The following TPP1 variants were observed in gnomAD, a reference collection of about 807,000 sequenced individuals.
TPP1 encodes tripeptidyl peptidase 1, also known as tripeptidyl-peptidase 1.
In TPP1, 43 loss-of-function variants were observed where a neutral mutation model predicts 67.6. The ratio of observed to expected loss-of-function variants is 0.64; its 90% CI spans 0.50 to 0.82. The LOEUF (loss-of-function observed/expected upper bound fraction) is 0.82. Ranked by LOEUF, TPP1 falls within the 40% of genes least tolerant of loss-of-function variation. The pLI is 0.00. For missense variants in TPP1, 671 were observed against 710.9 expected, an observed-to-expected ratio of 0.94 and a Z score of 0.64; for synonymous variants, 272 against 281.5, an observed-to-expected ratio of 0.97 and a Z score of 0.34.
In TPP1 at chr11:6,617,692, G is replaced by A; in HGVS notation, c.314C>T (p.Ala105Val). ...TLHTVQKWLL[A>V]AGAQKCHSVI... Reference sequence around the variant, plus strand: ...AGAATGGCACTTCTGGGCTCCGGCTGCCAAGAGCCATTTTTGCACCGTGTG... The same window carrying A: ...AGAATGGCACTTCTGGGCTCCGGCTACCAAGAGCCATTTTTGCACCGTGTG... The change falls in exon 4 of 13, where the codon GCA (alanine) becomes GTA (valine). Residue 105 changes from alanine (A) to valine (V), a missense_variant. Coordinates refer to ENST00000299427, the MANE Select transcript of TPP1 (RefSeq NM_000391.4). The A allele has an allele frequency of 6.2e-7, 1 of 1,614,228 alleles. No individual in the cohort carries two copies. Among genetic ancestry groups the A allele is most frequent in the South Asian group, 1.1e-5 (1 of 91,088 alleles).
At chr11:6,618,582 G>A (rs762115821) in intron 3 of TPP1, 194 bp downstream of exon 3, 2 of 715,934 alleles carry the variant, frequency 2.8e-6, no homozygotes, top group South Asian at 1.8e-5. Context: ...CTGGTAGCTA[G>A]TAAGTAGCAG....
chr11:6,615,774 C>T (rs1041449509), intron 9 of TPP1: 2 of 780,872 alleles, frequency 2.6e-6, no homozygotes, highest in Non-Finnish European at 4.2e-6. Flanking sequence ...CCAAATCTTC[C>T]ACTAAAATGC....
rs756034137 is a variant in TPP1, at chr11:6,614,517, G to A, written c.*29C>T. On this transcript the variant is annotated 3_prime_UTR_variant, in exon 13 of 13. Transcript: ENST00000299427. ...CTGAACTGCCAGCTTCAGGGCAGGG[G>A]ACAAGCCATCTCTCCTGATAGGAAA... 7 of 1,613,936 alleles carry A rather than the reference G, an allele frequency of 4.3e-6. No homozygotes were observed. The highest frequency in any genetic ancestry group is 2.7e-5 in the African/African-American group (2 of 74,914).
At chr11:6,617,467 G>A (rs748897788) in intron 4 of TPP1, 39 bp from the exon 5 acceptor site, 2 of 1,613,968 alleles carry the variant, frequency 1.2e-6, no homozygotes, top group East Asian at 4.5e-5. Context: ...GCTCAAAACG[G>A]AACAGAAGAA....
intron 3 of TPP1, chr11:6,618,401 T>C (rs1855617952): frequency 4.5e-6 from 2 of 448,882 alleles, no homozygotes; most frequent in Non-Finnish European, 8.1e-6. Context: ...AGCTGGGCAG[T>C]AGTCCAGGAG....
chr11:6,615,107 G>A (rs553253845), intron 11 of TPP1, 64 bp downstream of exon 11: 2 of 1,613,832 alleles, frequency 1.2e-6, no homozygotes, highest in Admixed American at 3.3e-5. Flanking sequence ...GGTGCAAGGT[G>A]TTCAAGGTGT....
chr11:6,617,986 T>G (rs1043702570), intron 3 of TPP1: 9 of 631,290 alleles, frequency 1.4e-5, no homozygotes, highest in African/African-American at 1.1e-4. Flanking sequence ...GGATTTACCC[T>G]AAAGGCCAGT....
chr11:6,619,245 T>G lies in TPP1; in HGVS notation c.40A>C (p.Ile14Leu). 1 of 1,614,136 alleles carries G rather than the reference T, an allele frequency of 6.2e-7. No individual in the cohort carries two copies. Among genetic ancestry groups the G allele is most frequent in the East Asian group, 2.2e-5 (1 of 44,884 alleles). Reference sequence around the variant, plus strand: ...CTGTAACTGCATTTGCCAGAGAGGATGAGGGCAAAGAGCCCTAGGAGGCTG... The same window carrying G: ...CTGTAACTGCATTTGCCAGAGAGGAGGAGGGCAAAGAGCCCTAGGAGGCTG... ...QACLLGLFAL[I>L]LSGKCSYSPE... The change falls in exon 2 of 13, where the codon ATC (isoleucine) becomes CTC (leucine). Residue 14 changes from isoleucine to leucine, a missense_variant. Transcript: ENST00000299427.
chr11:6,619,288 T>A, intron 1 of TPP1, 21 bp from the exon 2 acceptor site: 1 of 1,614,002 alleles, frequency 6.2e-7, no homozygotes, highest in Non-Finnish European at 8.5e-7. Flanking sequence ...AGCAGGTGGG[T>A]TTCAGTGGGA....
chr11:6,614,940 T>C lies in TPP1; in HGVS notation c.1477A>G (p.Ile493Val). Residue 493 changes from isoleucine to valine, a missense_variant, in exon 12 of 13, where the codon ATC (isoleucine) becomes GTC (valine). Coordinates refer to ENST00000299427, the MANE Select transcript of TPP1 (RefSeq NM_000391.4). ...GILSLINEHR[I>V]LSGRPPLGFL... ...CCAAGAGGGGGGCGGCCACTAAGGA[T>C]CCTGTGCTCATTGATCAAGGATAGG... 1.9e-6 allele frequency: 3 copies of C among 1,613,986 alleles called. No individual in the cohort carries two copies.
chr11:6,619,402 C>G lies in TPP1; in HGVS notation c.-2G>C. On this transcript the variant is annotated 5_prime_UTR_variant, in exon 1 of 13. Coordinates refer to ENST00000299427, the MANE Select transcript of TPP1 (RefSeq NM_000391.4). ...TTCTCACCAGGCTTGGAGTCCCATT[C>G]TGCCCTTCCGCGGATCTGCTGTCAT... is the stretch of plus-strand genomic sequence containing the variant. 1.9e-6 allele frequency: 3 copies of G among 1,614,236 alleles called. No individual in the cohort carries two copies. The African/African-American group carries it at 4.0e-5, about 22-fold the overall frequency.
chr11:6,614,972 C>G lies in TPP1; in HGVS notation c.1445G>C (p.Gly482Ala). ...CTCATTGATCAAGGATAGGATCCCC[C>G]CAAACACTGGAGTAGAGGCCTACAA... is the stretch of plus-strand genomic sequence containing the variant. ...SGTSASTPVF[G>A]GILSLINEHR... The change falls in exon 12 of 13, where the codon GGG (glycine) becomes GCG (alanine). Residue 482 changes from glycine to alanine, a missense_variant. By Grantham distance (60) the Gly-to-Ala change is moderately conservative. Transcript: ENST00000299427. 6.2e-7 allele frequency: 1 copy of G among 1,614,066 alleles called. No homozygotes were observed.
rs35039601 is a variant in TPP1, at chr11:6,616,508, ATTTT to A, written c.887-9_887-6del. On this transcript the variant is annotated splice_region_variant and splice_polypyrimidine_tract_variant and intron_variant, in intron 7 of 12. Transcript: ENST00000299427. The stretch of plus-strand genomic sequence containing the variant: ...GCTCCTGTCCCTCATGCCGGCCTGG[ATTTT>A]TTTTTTTTTTTTTTTTGAGGGATGG... The A allele has an allele frequency of 8.6e-4, 1,272 of 1,484,986 alleles. No individual in the cohort carries two copies. The highest frequency in any genetic ancestry group is 3.3e-3 in the Middle Eastern group (15 of 4,556). The allele number at this position is 1,484,986 out of a possible 1,614,324, so 92.0% of individuals were successfully genotyped here. A position where few individuals can be genotyped will look rare whatever the true frequency, so the allele number is the denominator to read the frequency against.
rs745310554 is a variant in TPP1, at chr11:6,616,434, T to C, written c.956A>G (p.His319Arg). 7 of 1,613,352 alleles carry C rather than the reference T, an allele frequency of 4.3e-6. No individual in the cohort carries two copies. The African/African-American group carries it at 6.7e-5, about 15-fold the overall frequency. ...ATCTCCATAGCTCACAGTATGCACA[T>C]GTGGCAGGGCTGACTCATTACTGAG... ...MLLSNESALP[H>R]VHTVSYGDDE... Residue 319 changes from histidine to arginine, a missense_variant, in exon 8 of 13, where the codon CAT becomes CGT. His to Arg is a conservative substitution (Grantham distance 29). Coordinates refer to ENST00000299427, the MANE Select transcript of TPP1 (RefSeq NM_000391.4).
rs757548236 is a variant in TPP1 at position 6,615,273 on chromosome 11, G to A, written c.1323C>T (p.Tyr441=). The stretch of plus-strand genomic sequence containing the variant: ...GGTAGGCACGGCCACTGGCATTGAA[G>A]TAACTGGATGGTGGCAGGTGGGGGC... ...SSSPHLPPSS[Y]FNASGRAYPD... is the part of the protein sequence containing the mutation. Residue 441 remains tyrosine (Y), a synonymous_variant, in exon 11 of 13, where the codon TAC becomes TAT. Coordinates refer to ENST00000299427, the MANE Select transcript of TPP1 (RefSeq NM_000391.4). 19 of 1,614,068 alleles carry A rather than the reference G, an allele frequency of 1.2e-5. No homozygotes were observed. Among genetic ancestry groups the A allele is most frequent in the African/African-American group, 4.0e-5 (3 of 74,904 alleles).
At chr11:6,617,191 C>A in intron 5 of TPP1, 38 bp from the exon 6 acceptor site, 1 of 1,613,860 alleles carries the variant, frequency 6.2e-7, no homozygotes, top group Non-Finnish European at 8.5e-7. Flanking sequence ...ATCTTATAGA[C>A]TGTAATGCCC....
In TPP1 at chr11:6,614,951, T is replaced by A. The variant is rs751645191; in HGVS notation, c.1466A>T (p.Asn489Ile). The A allele has an allele frequency of 6.2e-7, 1 of 1,614,072 alleles. No homozygotes were observed. Among genetic ancestry groups the A allele is most frequent in the Non-Finnish European group, 8.5e-7 (1 of 1,180,004 alleles). ...PVFGGILSLI[N>I]EHRILSGRPP... is the part of the protein sequence containing the mutation. ...GCGGCCACTAAGGATCCTGTGCTCA[T>A]TGATCAAGGATAGGATCCCCCCAAA... Residue 489 changes from asparagine (N) to isoleucine (I), a missense_variant, in exon 12 of 13, where the codon AAT (asparagine) becomes ATT (isoleucine). Physicochemically the swap from Asn to Ile is moderately radical, Grantham distance 149 (BLOSUM62 -3). Transcript: ENST00000299427.
chr11:6,618,911 G>A lies in TPP1; in HGVS notation c.94C>T (p.Pro32Ser), dbSNP rs1295778740. 10 of 1,612,970 alleles carry A rather than the reference G, an allele frequency of 6.2e-6. No homozygotes were observed. The highest frequency in any genetic ancestry group is 1.7e-5 in the Admixed American group (1 of 60,010). ...SPEPDQRRTLPPGWVSLGRAD... is the reference protein window; with the variant it reads ...SPEPDQRRTLSPGWVSLGRAD... ...CGGCCCAGGGACACCCAGCCTGGGG[G>A]CAGCCTGTAGGGTCAGGGGTCAGGG... The change falls in exon 3 of 13, where the codon CCC (proline) becomes TCC (serine). Residue 32 changes from proline (P) to serine (S), a missense_variant. Physicochemically the swap from Pro to Ser is moderately conservative, Grantham distance 74. Transcript: ENST00000299427.
At chr11:6,615,846 G>C (rs1245881842) in intron 9 of TPP1, 159 bp downstream of exon 9, 4 of 875,494 alleles carry the variant, frequency 4.6e-6, no homozygotes, top group Non-Finnish European at 7.4e-6. Context: ...TGGGGCCTGG[G>C]ACCTGCAGGA....
Sources: gnomAD v4.1 joint callset for allele counts on GRCh38, gnomAD v4.1.1 for gene constraint, MANE v1.5 for transcripts, NCBI Gene and HGNC (gene_info 2026-07-23, HGNC 2026-07-21) for gene names.